RAB28: variants seen among roughly 807,000 people sequenced by gnomAD.
RAB28 encodes the protein RAB28, member RAS oncogene family.
RAB28 carries 24 observed loss-of-function variants against 31.7 expected under a neutral mutation model. The ratio of observed to expected loss-of-function variants is 0.76; its 90% CI spans 0.55 to 1.06. RAB28 has a LOEUF of 1.06. Ranked by LOEUF, RAB28 falls within the 50% of genes least tolerant of loss-of-function variation. RAB28 has a pLI of 0.00. For missense variants in RAB28, 254 were observed against 258.5 expected, an observed-to-expected ratio of 0.98 and a Z score of 0.12; for synonymous variants, 100 against 90.4, an observed-to-expected ratio of 1.11 and a Z score of -0.60.
intron 4 of RAB28, among the ~76,000 whole-genome samples, chr4:13,443,083 A>T (rs1714508180): frequency 6.6e-6 from 1 of 152,260 alleles, no homozygotes; most frequent in African/African-American, 2.4e-5. Flanking sequence ...AGAGCTAATA[A>T]TTTAATTTTC....
intron 4 of RAB28, among the ~76,000 whole-genome samples, chr4:13,397,611 TAAAG>T (rs1157374590): frequency 4.6e-5 from 7 of 152,130 alleles, no homozygotes; most frequent in Admixed American, 1.3e-4. Context: ...TACATGATCA[TAAAG>T]AAAGGTCACT....
intron 4 of RAB28, among the ~76,000 whole-genome samples, chr4:13,453,436 C>T (rs953711327): frequency 1.3e-5 from 2 of 152,060 alleles, no homozygotes; most frequent in Non-Finnish European, 2.9e-5. Context: ...TGTATTGGCT[C>T]TAGCAGCAAG....
At chr4:13,378,210 G>A (rs929948652) in intron 5 of RAB28, among the ~76,000 whole-genome samples, 7 of 152,206 alleles carry the variant, frequency 4.6e-5, no homozygotes, top group African/African-American at 1.7e-4. Context: ...GACTGACAGA[G>A]TAGTTAGTGA....
At chr4:13,412,781 T>A (rs573213890) in intron 4 of RAB28, among the ~76,000 whole-genome samples, 18 of 152,280 alleles carry the variant, frequency 1.2e-4, no homozygotes, top group African/African-American at 4.3e-4. Flanking sequence ...CATATATTTT[T>A]AAAACTTAAT....
chr4:13,377,302 G>C (rs1159075256), intron 5 of RAB28, among the ~76,000 whole-genome samples: 1 of 152,160 alleles, frequency 6.6e-6, no homozygotes, highest in Non-Finnish European at 1.5e-5. Context: ...ATTTACTGTA[G>C]TATAACTTAT....
intron 3 of RAB28, among the ~76,000 whole-genome samples, chr4:13,466,227 A>G (rs947118198): frequency 1.3e-5 from 2 of 151,958 alleles, no homozygotes; most frequent in Admixed American, 6.6e-5. Flanking sequence ...GAGGAAAACT[A>G]AAAAGCTTCT....
At chr4:13,421,964 A>C (rs1713177176) in intron 4 of RAB28, among the ~76,000 whole-genome samples, 1 of 152,166 alleles carries the variant, frequency 6.6e-6, no homozygotes, top group African/African-American at 2.4e-5. Context: ...GTGAACAGGC[A>C]ACCTACAGAA....
chr4:13,480,279 C>T (rs1034104508), intron 1 of RAB28, among the ~76,000 whole-genome samples: 1 of 151,556 alleles, frequency 6.6e-6, no homozygotes, highest in Non-Finnish European at 1.5e-5. Flanking sequence ...CTTATCAAAG[C>T]AAAAGAATAA....
At chr4:13,415,741 A>G (rs1712735954) in intron 4 of RAB28, among the ~76,000 whole-genome samples, 1 of 152,152 alleles carries the variant, frequency 6.6e-6, no homozygotes, top group South Asian at 2.1e-4. Context: ...CCCGGTCCCA[A>G]TGACCACGCA....
intron 6 of RAB28, among the ~76,000 whole-genome samples, chr4:13,375,494 C>G (rs143326349): frequency 2.1e-4 from 32 of 152,166 alleles, no homozygotes; most frequent in African/African-American, 5.1e-4. Flanking sequence ...CCTCTGGGAT[C>G]CAAGGTCTGT....
chr4:13,393,361 A>C (rs1469554752), intron 4 of RAB28, among the ~76,000 whole-genome samples: 1 of 152,256 alleles, frequency 6.6e-6, no homozygotes, highest in Non-Finnish European at 1.5e-5. Flanking sequence ...TCCAAGAGCT[A>C]GTGAAATCAG....
At chr4:13,404,679 T>C (rs1362876332) in intron 4 of RAB28, among the ~76,000 whole-genome samples, 1 of 152,148 alleles carries the variant, frequency 6.6e-6, no homozygotes, top group African/African-American at 2.4e-5. Context: ...CTCAATATAT[T>C]AGCATATCAA....
At chr4:13,423,261 C>T (rs751996239) in intron 4 of RAB28, among the ~76,000 whole-genome samples, 1 of 152,070 alleles carries the variant, frequency 6.6e-6, no homozygotes, top group Non-Finnish European at 1.5e-5. Context: ...AGAGGCCAGG[C>T]GCAGTGGCTC....
At chr4:13,388,973 A>G (rs1432704763) in intron 4 of RAB28, among the ~76,000 whole-genome samples, 5 of 152,100 alleles carry the variant, frequency 3.3e-5, no homozygotes, top group Non-Finnish European at 7.4e-5. Context: ...AACTGAATGC[A>G]GGGTCTTGAA....
chr4:13,422,578 G>A (rs560746947), intron 4 of RAB28, among the ~76,000 whole-genome samples: 1 of 152,216 alleles, frequency 6.6e-6, no homozygotes, highest in East Asian at 1.9e-4. Flanking sequence ...CCATAAAAAA[G>A]GATGAGTTCA....
chr4:13,434,975 C>T (rs527293239), intron 4 of RAB28, among the ~76,000 whole-genome samples: 35 of 144,626 alleles, frequency 2.4e-4, no homozygotes, highest in Middle Eastern at 3.6e-3. Flanking sequence ...GCCGAGATCA[C>T]GCCACTGTAC....
intron 3 of RAB28, 39 bp downstream of exon 3, chr4:13,474,279 A>G (rs755859755): frequency 7.6e-7 from 1 of 1,315,760 alleles, no homozygotes; most frequent in South Asian, 1.2e-5. Context: ...TGTAAGTGGT[A>G]TACTTTCAAT....
intron 3 of RAB28, among the ~76,000 whole-genome samples, chr4:13,464,569 T>A (rs748722906): frequency 7.9e-5 from 12 of 151,932 alleles, no homozygotes; most frequent in Non-Finnish European, 5.9e-5. Context: ...GGCACCAACA[T>A]CTGAAAGAGC....
At chr4:13,378,775 G>C (rs1729017336) in intron 5 of RAB28, among the ~76,000 whole-genome samples, 1 of 152,146 alleles carries the variant, frequency 6.6e-6, no homozygotes, top group Non-Finnish European at 1.5e-5. Flanking sequence ...GGGGTAAGTA[G>C]GATGAGGTTA....
Sources: gnomAD v4.1 joint callset for allele counts (sites outside exome capture counted in the v4.1 genomes callset) on GRCh38, gnomAD v4.1.1 for gene constraint, MANE v1.5 for transcripts, NCBI Gene and HGNC (gene_info 2026-07-23, HGNC 2026-07-21) for gene names.